Variants in SLC1A7 observed in about 807,000 individuals in gnomAD.
SLC1A7 encodes solute carrier family 1 member 7, also known as excitatory amino acid transporter 5.
SLC1A7 carries 40 observed loss-of-function variants against 47.7 expected under a neutral mutation model. The ratio of observed to expected loss-of-function variants is 0.84; its 90% CI spans 0.65 to 1.09. The LOEUF is 1.09. Ranked by LOEUF, SLC1A7 falls within the 50% of genes least tolerant of loss-of-function variation. SLC1A7 has a pLI of 0.00. For synonymous variants in SLC1A7, 323 were observed against 325.6 expected, an observed-to-expected ratio of 0.99 and a Z score of 0.09; for missense variants, 746 against 769.5, an observed-to-expected ratio of 0.97 and a Z score of 0.36.
intron 3 of SLC1A7, among the ~76,000 whole-genome samples, chr1:53,106,544 G>A (rs1416022609): frequency 2.7e-5 from 4 of 150,844 alleles, no homozygotes; most frequent in African/African-American, 4.9e-5. Context: ...AGCTTGCAGT[G>A]AGCCGAGATC....
At chr1:53,142,079 CCTGA>C (rs1372570776) in intron 1 of SLC1A7, among the ~76,000 whole-genome samples, 1 of 152,218 alleles carries the variant, frequency 6.6e-6, no homozygotes, top group African/African-American at 2.4e-5. Flanking sequence ...CCTCTCCTCA[CCTGA>C]TGGTGCTGGG....
intron 1 of SLC1A7, among the ~76,000 whole-genome samples, chr1:53,134,929 C>A (rs1214924392): frequency 6.7e-6 from 1 of 149,574 alleles, no homozygotes; most frequent in Non-Finnish European, 1.5e-5. Context: ...TGAATGTGGT[C>A]TCTCTTAAAA....
intron 1 of SLC1A7, among the ~76,000 whole-genome samples, chr1:53,136,603 A>G (rs1644999038): frequency 7.7e-6 from 1 of 129,654 alleles, no homozygotes; most frequent in Admixed American, 8.4e-5. Context: ...TAATATATAA[A>G]CATATATAAT....
chr1:53,135,189 C>A (rs1644979163), intron 1 of SLC1A7, among the ~76,000 whole-genome samples: 1 of 152,202 alleles, frequency 6.6e-6, no homozygotes, highest in South Asian at 2.1e-4. Context: ...TCTCGTGTAG[C>A]AGATGGCAGG....
At chr1:53,134,872 C>T (rs1009760983) in intron 1 of SLC1A7, among the ~76,000 whole-genome samples, 1 of 152,002 alleles carries the variant, frequency 6.6e-6, no homozygotes, top group African/African-American at 2.4e-5. Context: ...TTAACAGTAA[C>T]TAATAATCAA....
chr1:53,094,280 C>T (rs1355646057), intron 5 of SLC1A7, among the ~76,000 whole-genome samples: 2 of 152,212 alleles, frequency 1.3e-5, no homozygotes, highest in African/African-American at 4.8e-5. Flanking sequence ...GCTCCTGGCG[C>T]CTCCCCCGGC....
intron 3 of SLC1A7, chr1:53,108,634 C>T (rs1460031483): frequency 2.8e-6 from 2 of 717,678 alleles, no homozygotes; most frequent in South Asian, 1.5e-5. Flanking sequence ...CTTCTTTCTG[C>T]CTGGAACATG....
chr1:53,112,855 G>A (rs1218128653), intron 3 of SLC1A7, among the ~76,000 whole-genome samples: 1 of 152,186 alleles, frequency 6.6e-6, no homozygotes, highest in Non-Finnish European at 1.5e-5. Flanking sequence ...GGGACAGCAG[G>A]TGAGAGATGC....
intron 4 of SLC1A7, among the ~76,000 whole-genome samples, chr1:53,104,245 G>A (rs1351030311): frequency 6.6e-6 from 1 of 152,148 alleles, no homozygotes; most frequent in Admixed American, 6.5e-5. Context: ...AAATGGGACC[G>A]TGATAGCATC....
At chr1:53,115,178 A>C in intron 2 of SLC1A7, 1 of 598,318 alleles carries the variant, frequency 1.7e-6, no homozygotes, top group Non-Finnish European at 3.0e-6. Context: ...CAGGCCACAC[A>C]CATCTGTGCC....
rs144092881 is a variant in SLC1A7, at chr1:53,088,958, A to G, written c.1383T>C (p.Ile461=). 97 of 1,614,044 alleles carry G rather than the reference A, an allele frequency of 6.0e-5. No homozygotes were observed. In the African/African-American group the frequency reaches 1.1e-3, roughly 19 times the overall value. ...DWALDRFRTM[I]NVLGDALAAG... is the part of the protein sequence containing the mutation. ...CTGCCAGCGCATCACCCAGCACGTTAATCATGGTGCGGAAACGGTCCCTGG... is the reference window on the plus strand; with the variant it reads ...CTGCCAGCGCATCACCCAGCACGTTGATCATGGTGCGGAAACGGTCCCTGG... The change falls in exon 10 of 11, where the codon ATT becomes ATC. Residue 461 remains isoleucine, a synonymous_variant. Coordinates refer to ENST00000371494, the MANE Select transcript of SLC1A7 (RefSeq NM_006671.6).
Position 53,136,666 on chromosome 1 carries a change from A to T in SLC1A7, c.136-2237T>A, listed in dbSNP as rs1219755464. 3.4e-3 allele frequency among the ~76,000 whole-genome samples: 357 copies of T among 105,352 alleles called. 8 individuals carry two copies. The highest frequency in any genetic ancestry group is 0.012 in the African/African-American group (318 of 25,696). 69.1% of individuals were successfully genotyped at this position (105,352 alleles called of 152,430 possible). On this transcript the variant is annotated intron_variant, in intron 1 of 10. Transcript: ENST00000371494. ...ACATATATATATTATATATATATAT[A>T]TTTTTTTTTTTTTTTTTTGAGACAA...
At chr1:53,121,873 A>G (rs1027613917) in intron 2 of SLC1A7, among the ~76,000 whole-genome samples, 1 of 152,162 alleles carries the variant, frequency 6.6e-6, no homozygotes, top group Non-Finnish European at 1.5e-5. Context: ...CTGTGGCTTC[A>G]GAAGCCCGGG....
intron 4 of SLC1A7, among the ~76,000 whole-genome samples, chr1:53,104,811 A>G (rs1304255805): frequency 6.6e-6 from 1 of 152,244 alleles, no homozygotes; most frequent in Non-Finnish European, 1.5e-5. Flanking sequence ...GATTAAGTCA[A>G]CCAACCAGCT....
At chr1:53,100,753 C>T (rs1403277389) in intron 5 of SLC1A7, among the ~76,000 whole-genome samples, 2 of 151,588 alleles carry the variant, frequency 1.3e-5, no homozygotes, top group East Asian at 1.9e-4. Flanking sequence ...TGCCTTGGTA[C>T]ACTCACACAC....
rs569136871 is a variant in SLC1A7 at position 53,128,187 on chromosome 1, G to A, written c.215+6163C>T. Among the ~76,000 whole-genome samples, 9 of 152,268 alleles carry A rather than the reference G, an allele frequency of 5.9e-5. No individual in the cohort carries two copies. In the South Asian group the frequency reaches 1.9e-3, roughly 32 times the overall value. ...GAAAAGCAAGAGGCAGTAAGAATAG[G>A]AATTGGGCAGGGTGCGGTGACTCAC... On this transcript the variant is annotated intron_variant, in intron 2 of 10. Coordinates refer to ENST00000371494, the MANE Select transcript of SLC1A7 (RefSeq NM_006671.6).
At chr1:53,115,819 GGCCTGGGCTTTCT>G (rs1164730365) in intron 2 of SLC1A7, 1 of 152,274 alleles carries the variant, frequency 6.6e-6, no homozygotes, top group African/African-American at 2.4e-5. Context: ...TAGCCACCCT[GGCCTGGGCTTTCT>G]GCCTACCAGT....
At chr1:53,098,109 C>T (rs576930743) in intron 5 of SLC1A7, among the ~76,000 whole-genome samples, 5 of 151,576 alleles carry the variant, frequency 3.3e-5, no homozygotes, top group African/African-American at 1.2e-4. Flanking sequence ...CTCACTTTGC[C>T]TCGGTACACT....
chr1:53,114,772 C>G lies in SLC1A7; in HGVS notation c.417G>C (p.Leu139=). The G allele has an allele frequency of 6.2e-7, 1 of 1,614,004 alleles. No homozygotes were observed. Among genetic ancestry groups the G allele is most frequent in the South Asian group, 1.1e-5 (1 of 91,072 alleles). ...GKPIMSSADA[L]LDLIRNMFPA... is the part of the protein sequence containing the mutation. ...GCAATAGTTACCGGATGAGGTCCAA[C>G]AGGGCATCGGCTGAGCTCATGATGG... The change falls in exon 3 of 11, where the codon CTG becomes CTC. Residue 139 remains leucine (L), a synonymous_variant. Transcript: ENST00000371494.
Sources: gnomAD v4.1 joint callset for allele counts (sites outside exome capture counted in the v4.1 genomes callset) on GRCh38, gnomAD v4.1.1 for gene constraint, MANE v1.5 for transcripts, NCBI Gene and HGNC (gene_info 2026-07-23, HGNC 2026-07-21) for gene names.